The following FOXP4 variants were observed in gnomAD, a reference collection of about 807,000 sequenced individuals.
FOXP4 encodes forkhead box P4.
A neutral mutation model predicts 82.6 loss-of-function variants in FOXP4; 25 were observed. The ratio of observed to expected loss-of-function variants is 0.30; its 90% confidence interval spans 0.22 to 0.42. The LOEUF (loss-of-function observed/expected upper bound fraction) is 0.42. FOXP4 is among the 10% of genes least tolerant of loss of function. The pLI, the probability that FOXP4 is intolerant of heterozygous loss-of-function variation, is 1.00. For missense variants in FOXP4, 785 were observed against 900.9 expected, an observed-to-expected ratio of 0.87 and a Z score of 1.65; for synonymous variants, 415 against 388.2, an observed-to-expected ratio of 1.07 and a Z score of -0.81.
chr6:41,598,870 C>T lies in FOXP4; in HGVS notation c.1977C>T (p.Pro659=), dbSNP rs767426364. ...QPGPPLGAPN[P]SASGPPEDRD... is the part of the protein sequence containing the mutation. ...GGCCTCCCCTGGGCGCCCCTAACCCCAGCGCCTCGGGGCCTCCGGAAGACA... is the reference window on the plus strand; with the variant it reads ...GGCCTCCCCTGGGCGCCCCTAACCCTAGCGCCTCGGGGCCTCCGGAAGACA... The change falls in exon 17 of 17, where the codon CCC becomes CCT. Residue 659 remains proline, a synonymous_variant. Transcript: ENST00000307972. 2.5e-6 allele frequency: 4 copies of T among 1,599,816 alleles called. No homozygotes were observed. The highest frequency in any genetic ancestry group is 2.3e-5 in the South Asian group (2 of 88,084).
At position 41,590,207 on chromosome 6, in the gene FOXP4, G is replaced by A. The variant is rs9471604; in HGVS notation, c.1357+37G>A. On this transcript the variant is annotated intron_variant, in intron 11 of 16. Transcript: ENST00000307972. The stretch of plus-strand genomic sequence containing the variant: ...CTGGGGGCTGCAGGGCGACAGCAGC[G>A]TGAGGCTGTTTTTCCCATCTGAGCC... 7.0e-3 allele frequency: 11,248 copies of A among 1,608,164 alleles called. 527 individuals carry two copies. The African/African-American group carries it at 0.12, about 17-fold the overall frequency.
In FOXP4 at chr6:41,593,344, T is replaced by C. The variant is rs112153127; in HGVS notation, c.1537-1526T>C. Reference sequence around the variant, plus strand: ...CGGGCATGGTGTGGGCCCAGCCAGCTGCCGTTCATCCAGGGACAGAGCTGC... The same window carrying C: ...CGGGCATGGTGTGGGCCCAGCCAGCCGCCGTTCATCCAGGGACAGAGCTGC... On this transcript the variant is annotated intron_variant, in intron 13 of 16. Coordinates refer to ENST00000307972, the MANE Select transcript of FOXP4 (RefSeq NM_001012426.2). This position sits in a 1 kb window ranked among gnomAD's most constrained non-coding sequence, Gnocchi z 4.1. 8.9e-3 allele frequency among the ~76,000 whole-genome samples: 1,359 copies of C among 152,286 alleles called. 21 individuals are homozygous for C. Among genetic ancestry groups the C allele is most frequent in the African/African-American group, 0.031 (1,289 of 41,556 alleles).
intron 1 of FOXP4, among the ~76,000 whole-genome samples, chr6:41,556,799 G>A (rs992344195): frequency 6.6e-6 from 1 of 152,192 alleles, no homozygotes; most frequent in African/African-American, 2.4e-5. Context: ...TGTGTGTGTT[G>A]TGTAAGACAG....
chr6:41,558,392 C>G lies in FOXP4; in HGVS notation c.-16-7353C>G, dbSNP rs1224624283. Among the ~76,000 whole-genome samples, 1 of 152,168 alleles carries G rather than the reference C, an allele frequency of 6.6e-6. No individual in the cohort carries two copies. Among genetic ancestry groups the G allele is most frequent in the East Asian group, 1.9e-4 (1 of 5,206 alleles). On this transcript the variant is annotated intron_variant, in intron 1 of 16. Coordinates refer to ENST00000307972, the MANE Select transcript of FOXP4 (RefSeq NM_001012426.2). The surrounding 1 kb of genome is among the most constrained non-coding windows in gnomAD (Gnocchi z 4.0). ...GAGGGGGGTGGGATCAATTTTTAAA[C>G]CATAGCCCACTCAGGTGGGTTGTAG...
At chr6:41,592,350 T>G (rs1481864879) in intron 13 of FOXP4, among the ~76,000 whole-genome samples, 1 of 152,156 alleles carries the variant, frequency 6.6e-6, no homozygotes, top group Admixed American at 6.5e-5. Context: ...ATCATGACTT[T>G]CATATGCTCA....
rs557685855 is a variant in FOXP4 at position 41,574,051 on chromosome 6, GGT to G, written c.205-3931_205-3930del. Among the ~76,000 whole-genome samples the G allele has an allele frequency of 1.7e-3, 264 of 152,250 alleles. 1 individual carries two copies. Among genetic ancestry groups the G allele is most frequent in the African/African-American group, 6.1e-3 (252 of 41,532 alleles). The stretch of plus-strand genomic sequence containing the variant: ...AGGTTTTCCATAATGGCTTCTTCCT[GGT>G]GTGGGTATCTGAACACCTTTCTCAC... On this transcript the variant is annotated intron_variant, in intron 2 of 16. Transcript: ENST00000307972.
chr6:41,598,841 C>A lies in FOXP4; in HGVS notation c.1948C>A (p.Pro650Thr). The A allele has an allele frequency of 3.2e-6, 5 of 1,581,170 alleles. No individual in the cohort carries two copies. The highest frequency in any genetic ancestry group is 4.3e-6 in the Non-Finnish European group (5 of 1,164,752). ...AGCAGAGGCAGAGGAAGACAGGCAG[C>A]CCGGGCCTCCCCTGGGCGCCCCTAA... The part of the protein sequence containing the change: ...EPAEAEEDRQ[P>T]GPPLGAPNPS... Residue 650 changes from proline to threonine, a missense_variant, in exon 17 of 17, where the codon CCC (proline) becomes ACC (threonine). Around this residue, in one of 3 missense-constraint regions of FOXP4, gnomAD observed 184 missense variants for 187.3 expected, o/e 0.98. Coordinates refer to ENST00000307972, the MANE Select transcript of FOXP4 (RefSeq NM_001012426.2).
chr6:41,597,314 TCCTCC>T, intron 15 of FOXP4, 72 bp downstream of exon 15: 1 of 1,494,562 alleles, frequency 6.7e-7, no homozygotes, highest in Non-Finnish European at 9.3e-7. Flanking sequence ...GAGACCCCCA[TCCTCC>T]CCTGCAGAGG....
intron 2 of FOXP4, among the ~76,000 whole-genome samples, chr6:41,567,280 A>G (rs1764936952): frequency 6.6e-6 from 1 of 152,188 alleles, no homozygotes; most frequent in South Asian, 2.1e-4. Flanking sequence ...TCATTTGTTG[A>G]TGTGGATGTG....
intron 3 of FOXP4, among the ~76,000 whole-genome samples, chr6:41,581,904 C>G (rs1424802367): frequency 1.3e-5 from 2 of 152,204 alleles, no homozygotes; most frequent in Non-Finnish European, 2.9e-5. Context: ...TTTTCACATG[C>G]TCCTGTCAGT....
intron 1 of FOXP4, among the ~76,000 whole-genome samples, chr6:41,563,151 AG>A: frequency 6.6e-6 from 1 of 152,216 alleles, no homozygotes; most frequent in East Asian, 1.9e-4. Flanking sequence ...CAGGGCACCC[AG>A]GAGGCCACTC....
intron 3 of FOXP4, among the ~76,000 whole-genome samples, chr6:41,584,140 A>G (rs989253799): frequency 1.3e-5 from 2 of 152,196 alleles, no homozygotes; most frequent in Non-Finnish European, 2.9e-5. Context: ...TAGGACCAGG[A>G]TGGCACCAAG....
chr6:41,551,995 C>T (rs554848184), intron 1 of FOXP4, among the ~76,000 whole-genome samples: 4 of 152,284 alleles, frequency 2.6e-5, no homozygotes, highest in Non-Finnish European at 4.4e-5. Flanking sequence ...CAGCGTGGGT[C>T]CTGAAACCCC....
intron 3 of FOXP4, among the ~76,000 whole-genome samples, chr6:41,582,007 C>T (rs1765829094): frequency 6.6e-6 from 1 of 152,230 alleles, no homozygotes; most frequent in African/African-American, 2.4e-5. Flanking sequence ...TCAGCTCTCA[C>T]AGCAGTGAGA....
chr6:41,592,947 A>G (rs907350750), intron 13 of FOXP4, among the ~76,000 whole-genome samples: 2 of 152,100 alleles, frequency 1.3e-5, no homozygotes, highest in African/African-American at 4.8e-5. Flanking sequence ...GGGTCCAGTA[A>G]GAAGCATCTG....
chr6:41,555,747 T>A (rs1252940613), intron 1 of FOXP4, among the ~76,000 whole-genome samples: 1 of 152,242 alleles, frequency 6.6e-6, no homozygotes, highest in Non-Finnish European at 1.5e-5. Context: ...ATGGCTTTGA[T>A]ATGCTAATTA....
chr6:41,581,747 C>G (rs558071427), intron 3 of FOXP4, among the ~76,000 whole-genome samples: 87 of 152,374 alleles, frequency 5.7e-4, no homozygotes, highest in African/African-American at 1.9e-3. Flanking sequence ...ACCATGTAAT[C>G]CATCCAGATC....
chr6:41,581,878 G>A (rs1486270128), intron 3 of FOXP4, among the ~76,000 whole-genome samples: 1 of 152,248 alleles, frequency 6.6e-6, no homozygotes, highest in African/African-American at 2.4e-5. Context: ...CCCGAGGAAG[G>A]AAAGGCCACA....
At chr6:41,561,741 T>C (rs1251049553) in intron 1 of FOXP4, among the ~76,000 whole-genome samples, 3 of 152,200 alleles carry the variant, frequency 2.0e-5, no homozygotes, top group Admixed American at 2.0e-4. Flanking sequence ...TGCCTACCAG[T>C]ATTCACTTAA....
Sources: gnomAD v4.1 joint callset for allele counts (sites outside exome capture counted in the v4.1 genomes callset) on GRCh38, gnomAD v4.1.1 for gene constraint, gnomAD v4.1.1 regional missense constraint, Gnocchi (gnomAD v3.1) non-coding constraint, MANE v1.5 for transcripts, NCBI Gene and HGNC (gene_info 2026-07-23, HGNC 2026-07-21) for gene names.